Variants in HECW2 observed in about 807,000 individuals in gnomAD.
The protein encoded by HECW2 is HECT, C2 and WW domain containing E3 ubiquitin protein ligase 2.
A neutral mutation model predicts 175.2 loss-of-function variants in HECW2; 61 were observed. That is an observed-to-expected ratio of 0.35 (90% CI 0.28 to 0.43). The LOEUF (loss-of-function observed/expected upper bound fraction) is 0.43, where lower values mean the gene tolerates loss of function less well. Among genes scored for constraint, HECW2 ranks in the 20% least tolerant of loss-of-function variants. HECW2 has a pLI of 1.00. For missense variants in HECW2, 1,524 were observed against 2,000.5 expected (o/e 0.76, Z 4.54); for synonymous variants, 671 against 731.0 (o/e 0.92, Z 1.32).
intron 24 of HECW2, 100 bp from the exon 25 acceptor site, chr2:196,221,041 G>T: frequency 7.7e-7 from 1 of 1,305,200 alleles, no homozygotes; most frequent in South Asian, 1.3e-5. Context: ...ACCTGTCCCA[G>T]CCCTGCCCTA....
intron 2 of HECW2, among the ~76,000 whole-genome samples, chr2:196,350,054 G>A (rs751947468): frequency 3.3e-5 from 5 of 152,142 alleles, no homozygotes; most frequent in African/African-American, 7.2e-5. Flanking sequence ...ATGAATGAGG[G>A]GGTGGGTGGT....
intron 28 of HECW2, among the ~76,000 whole-genome samples, chr2:196,213,391 G>A (rs1478479320): frequency 1.3e-5 from 2 of 152,154 alleles, no homozygotes; most frequent in African/African-American, 4.8e-5. Context: ...ACCTTAGAGG[G>A]ATGGATCTAG....
At chr2:196,310,256 AGG>A (rs1691442331) in intron 10 of HECW2, among the ~76,000 whole-genome samples, 1 of 152,230 alleles carries the variant, frequency 6.6e-6, no homozygotes, top group Non-Finnish European at 1.5e-5. Flanking sequence ...TTGCTTTCTA[AGG>A]TCATGGAACA....
intron 1 of HECW2, among the ~76,000 whole-genome samples, chr2:196,576,131 A>C (rs1382955999): frequency 6.7e-6 from 1 of 149,576 alleles, no homozygotes; most frequent in Non-Finnish European, 1.5e-5. Context: ...AATACTTACC[A>C]TTGTGTTATA....
intron 1 of HECW2, among the ~76,000 whole-genome samples, chr2:196,576,644 A>G (rs747690347): frequency 3.3e-5 from 5 of 152,216 alleles, no homozygotes; most frequent in Non-Finnish European, 5.9e-5. Flanking sequence ...ATACCGCATG[A>G]TATCTATAGT....
At chr2:196,589,759 T>C (rs1394078786) in intron 1 of HECW2, among the ~76,000 whole-genome samples, 10 of 152,206 alleles carry the variant, frequency 6.6e-5, no homozygotes, top group Non-Finnish European at 1.2e-4. Context: ...AACCACTAGG[T>C]CTGCAAACAG....
intron 14 of HECW2, chr2:196,290,762 C>A (rs1292553239): frequency 2.0e-5 from 3 of 152,186 alleles, no homozygotes; most frequent in Non-Finnish European, 4.4e-5. Context: ...AAATATAGTA[C>A]CAGCAAAGCC....
rs187120009 is a variant in HECW2, at chr2:196,217,400, T to C, written c.4409-307A>G. 2.2e-3 allele frequency: 571 copies of C among 254,954 alleles called. 4 individuals are homozygous for C. The highest frequency in any genetic ancestry group is 0.011 in the African/African-American group (510 of 44,548). The allele number at this position is 254,954 out of a possible 1,614,324, so 15.8% of individuals were successfully genotyped here. A position where few individuals can be genotyped will look rare whatever the true frequency, so the allele number is the denominator to read the frequency against. The stretch of plus-strand genomic sequence containing the variant: ...TATCATTTCTGTAAAATACAACAGT[T>C]GTTACTGGAAATACTTAACTCTTTC... On this transcript the variant is annotated intron_variant, in intron 26 of 28. Transcript: ENST00000644978.
At chr2:196,441,776 T>C (rs12991993) in intron 1 of HECW2, among the ~76,000 whole-genome samples, 4,587 of 152,226 alleles carry the variant, frequency 0.03, 121 homozygotes, top group South Asian at 0.1. Flanking sequence ...AATAAAATGA[T>C]TAGGAAAACC....
chr2:196,575,080 CAAAAAA>C (rs1164886570), intron 1 of HECW2, among the ~76,000 whole-genome samples: 6 of 29,844 alleles, frequency 2.0e-4, no homozygotes, highest in African/African-American at 9.4e-4. Flanking sequence ...GGCCTTGTCT[CAAAAAA>C]AAAAAAAAAA....
chr2:196,365,742 G>A (rs1322957468), intron 2 of HECW2, among the ~76,000 whole-genome samples: 2 of 152,122 alleles, frequency 1.3e-5, no homozygotes, highest in Non-Finnish European at 1.5e-5. Context: ...AAAGTAGGCC[G>A]TTAAACTCAC....
rs2105737495 is a variant in HECW2 at position 196,195,793 on chromosome 2, AATTTTATGCTAAATTGTC to A, written c.*5466_*5483del. 1 of 152,352 alleles carries A rather than the reference AATTTTATGCTAAATTGTC, an allele frequency of 6.6e-6. No homozygotes were observed. Among genetic ancestry groups the A allele is most frequent in the South Asian group, 2.1e-4 (1 of 4,828 alleles). 9.4% of individuals were successfully genotyped at this position (152,352 alleles called of 1,614,324 possible). On this transcript the variant is annotated 3_prime_UTR_variant, in exon 29 of 29. Transcript: ENST00000644978. ...TCTTAAATAAAAAAATCCACAACAT[AATTTTATGCTAAATTGTC>A]AAATCTCCTGATCAAGCTATGGTTA...
At chr2:196,275,547 A>T (rs908503374) in intron 15 of HECW2, among the ~76,000 whole-genome samples, 2 of 152,106 alleles carry the variant, frequency 1.3e-5, no homozygotes, top group African/African-American at 4.8e-5. Flanking sequence ...AGGTCAACAG[A>T]TCGAGACCAT....
chr2:196,527,134 C>A (rs893145638), intron 1 of HECW2, among the ~76,000 whole-genome samples: 2 of 152,210 alleles, frequency 1.3e-5, no homozygotes, highest in African/African-American at 4.8e-5. Context: ...AGCGAGACTC[C>A]GTGAGCCTAG....
rs1267645433 is a variant in HECW2 at position 196,320,366 on chromosome 2, C to T, written c.958G>A (p.Val320Met). 1 of 1,610,162 alleles carries T rather than the reference C, an allele frequency of 6.2e-7. No homozygotes were observed. The highest frequency in any genetic ancestry group is 2.2e-5 in the East Asian group (1 of 44,816). ...TCATGAACAGAAGACGTAACCTCCACTTTAAACTGGAGGTACCCACTCACG... is the reference window on the plus strand; with the variant it reads ...TCATGAACAGAAGACGTAACCTCCATTTTAAACTGGAGGTACCCACTCACG... Reference protein sequence around the residue: ...DHVSGYLQFKVEVTSSVHEDA... With the variant: ...DHVSGYLQFKMEVTSSVHEDA... The change falls in exon 8 of 29, where the codon GTG becomes ATG. Residue 320 changes from valine to methionine, a missense_variant. Physicochemically the swap from Val to Met is conservative, Grantham distance 21. Around this residue, in one of 11 missense-constraint regions of HECW2, gnomAD observed 604 missense variants for 588.3 expected, o/e 1.03. Transcript: ENST00000644978.
intron 1 of HECW2, among the ~76,000 whole-genome samples, chr2:196,462,919 T>C (rs1163273983): frequency 6.6e-6 from 1 of 152,168 alleles, no homozygotes. Context: ...TATCCCCTGG[T>C]CCGGGGAGAC....
intron 19 of HECW2, among the ~76,000 whole-genome samples, chr2:196,248,597 G>C (rs6758179): frequency 5.3e-4 from 77 of 144,030 alleles, no homozygotes; most frequent in East Asian, 2.9e-3. Context: ...GAGACAGACA[G>C]ACACACACAC....
chr2:196,337,315 AT>A (rs36056934), intron 3 of HECW2, among the ~76,000 whole-genome samples: 186 of 145,186 alleles, frequency 1.3e-3, no homozygotes, highest in Middle Eastern at 3.6e-3. Context: ...CAAGAGGAGC[AT>A]TTTTTTTTTT....
intron 14 of HECW2, among the ~76,000 whole-genome samples, chr2:196,282,662 T>C (rs1055518801): frequency 6.6e-5 from 10 of 152,174 alleles, no homozygotes; most frequent in Non-Finnish European, 1.3e-4. Flanking sequence ...ATGATAACGA[T>C]TGTGGAGACC....
Sources: gnomAD v4.1 joint callset for allele counts (sites outside exome capture counted in the v4.1 genomes callset) on GRCh38, gnomAD v4.1.1 for gene constraint, gnomAD v4.1.1 regional missense constraint, MANE v1.5 for transcripts, NCBI Gene and HGNC (gene_info 2026-07-23, HGNC 2026-07-21) for gene names.